Variants in MAPK4 observed in about 807,000 individuals in gnomAD.
MAPK4 encodes mitogen-activated protein kinase 4.
Under a neutral mutation model 47.7 loss-of-function variants are expected in MAPK4, and 22 were observed. The ratio of observed to expected loss-of-function variants is 0.46; its 90% CI spans 0.33 to 0.66. MAPK4 has a LOEUF of 0.66. MAPK4 is among the 30% of genes least tolerant of loss of function. The pLI is 0.02. For missense variants in MAPK4, 736 were observed against 831.7 expected (o/e 0.88, Z 1.42); for synonymous variants, 390 against 365.7 (o/e 1.07, Z -0.76).
intron 2 of MAPK4, among the ~76,000 whole-genome samples, chr18:50,670,412 G>C (rs964701760): frequency 6.6e-6 from 1 of 152,094 alleles, no homozygotes; most frequent in Non-Finnish European, 1.5e-5. Context: ...CTTCGTTCAA[G>C]ATCAGACTGC....
intron 1 of MAPK4, among the ~76,000 whole-genome samples, chr18:50,567,963 G>A (rs966669175): frequency 1.8e-4 from 28 of 152,028 alleles, no homozygotes; most frequent in Non-Finnish European, 2.6e-4. Context: ...TTGGGAGGCC[G>A]AGGCAGGCTG....
In MAPK4 at chr18:50,674,049, G is replaced by A. The variant is rs112717192; in HGVS notation, c.546+9545G>A. On this transcript the variant is annotated intron_variant, in intron 2 of 5. Transcript: ENST00000400384. Reference sequence around the variant, plus strand: ...AAATGGAATGAAGTGGGAGGGCCTCGGTGCATAAGTGTTGAATAATGAGCT... The same window carrying A: ...AAATGGAATGAAGTGGGAGGGCCTCAGTGCATAAGTGTTGAATAATGAGCT... Among the ~76,000 whole-genome samples, 352 of 152,088 alleles carry A rather than the reference G, an allele frequency of 2.3e-3. 1 individual carries two copies. The highest frequency in any genetic ancestry group is 7.3e-3 in the African/African-American group (302 of 41,472).
intron 2 of MAPK4, among the ~76,000 whole-genome samples, chr18:50,695,041 G>A (rs962921582): frequency 1.3e-5 from 2 of 152,048 alleles, no homozygotes; most frequent in Non-Finnish European, 2.9e-5. Context: ...TGATTGAACC[G>A]GAAAGACAAG....
intron 2 of MAPK4, among the ~76,000 whole-genome samples, chr18:50,680,334 C>T (rs528688549): frequency 1.1e-4 from 16 of 152,076 alleles, no homozygotes; most frequent in South Asian, 6.2e-4. Flanking sequence ...TCAGGTACTC[C>T]GCCCACCTCA....
intron 2 of MAPK4, among the ~76,000 whole-genome samples, chr18:50,692,222 T>TTAG (rs891824493): frequency 1.3e-5 from 2 of 152,220 alleles, no homozygotes; most frequent in African/African-American, 4.8e-5. Flanking sequence ...CTCACTGTTG[T>TTAG]TAGCCTGTAG....
At chr18:50,616,114 G>T (rs1301210959) in intron 1 of MAPK4, among the ~76,000 whole-genome samples, 2 of 152,164 alleles carry the variant, frequency 1.3e-5, no homozygotes, top group Non-Finnish European at 1.5e-5. Flanking sequence ...GTATTTATTT[G>T]CCAAAGAAAC....
intron 1 of MAPK4, among the ~76,000 whole-genome samples, chr18:50,574,249 A>G (rs2042275471): frequency 6.6e-6 from 1 of 152,168 alleles, no homozygotes; most frequent in African/African-American, 2.4e-5. Context: ...ACATTATGGC[A>G]CATATATTCA....
chr18:50,642,486 A>G lies in MAPK4; in HGVS notation c.-870-20603A>G, dbSNP rs371045136. Among the ~76,000 whole-genome samples the G allele has an allele frequency of 1.7e-4, 26 of 152,306 alleles. No individual in the cohort carries two copies. In the East Asian group the frequency reaches 4.2e-3, roughly 25 times the overall value. On this transcript the variant is annotated intron_variant, in intron 1 of 5. Transcript: ENST00000400384. The stretch of plus-strand genomic sequence containing the variant: ...TATTTTATGAAACAACCACCCCAAT[A>G]TAGTTAGTGAAGAAAAACTCTGAGA...
At chr18:50,718,268 G>A (rs1910741289) in intron 3 of MAPK4, among the ~76,000 whole-genome samples, 1 of 152,208 alleles carries the variant, frequency 6.6e-6, no homozygotes, top group Non-Finnish European at 1.5e-5. Context: ...CCCCCAGGCT[G>A]GAGTGCAACG....
chr18:50,650,495 A>G (rs2043036839), intron 1 of MAPK4, among the ~76,000 whole-genome samples: 1 of 152,012 alleles, frequency 6.6e-6, no homozygotes, highest in Non-Finnish European at 1.5e-5. Flanking sequence ...TGATTTATTC[A>G]CTGTCTTGGT....
intron 1 of MAPK4, among the ~76,000 whole-genome samples, chr18:50,592,697 G>A (rs1282939836): frequency 6.6e-6 from 1 of 152,188 alleles, no homozygotes; most frequent in Non-Finnish European, 1.5e-5. Flanking sequence ...CTGATGGAGG[G>A]GAGAAGGCTG....
chr18:50,689,033 C>T (rs990556978), intron 2 of MAPK4, among the ~76,000 whole-genome samples: 1 of 151,574 alleles, frequency 6.6e-6, no homozygotes, highest in Non-Finnish European at 1.5e-5. Context: ...CTGAGGCGGG[C>T]GGATCACATG....
intron 1 of MAPK4, among the ~76,000 whole-genome samples, chr18:50,600,295 C>G (rs1268254223): frequency 6.6e-6 from 1 of 152,144 alleles, no homozygotes; most frequent in African/African-American, 2.4e-5. Flanking sequence ...CCAATTTATT[C>G]AGGAACCTCT....
intron 2 of MAPK4, among the ~76,000 whole-genome samples, chr18:50,684,253 G>A (rs183758633): frequency 0.012 from 1,864 of 152,300 alleles, 28 homozygotes; most frequent in Admixed American, 0.036. Context: ...TTGCAATTAA[G>A]AAGAGCTTTG....
chr18:50,679,273 CT>C (rs1275557903), intron 2 of MAPK4, among the ~76,000 whole-genome samples: 1 of 152,158 alleles, frequency 6.6e-6, no homozygotes, highest in Non-Finnish European at 1.5e-5. Context: ...CCGTGCAGGT[CT>C]TTTGTCTTAG....
At chr18:50,706,693 G>A (rs1910076847) in intron 2 of MAPK4, among the ~76,000 whole-genome samples, 1 of 152,174 alleles carries the variant, frequency 6.6e-6, no homozygotes, top group South Asian at 2.1e-4. Context: ...CCATTGTCAT[G>A]CAGCACCCCA....
At chr18:50,605,425 G>A (rs78595693) in intron 1 of MAPK4, among the ~76,000 whole-genome samples, 77 of 152,284 alleles carry the variant, frequency 5.1e-4, no homozygotes, top group African/African-American at 1.8e-3. Context: ...GGAAACATGG[G>A]TTATATTACT....
intron 1 of MAPK4, among the ~76,000 whole-genome samples, chr18:50,607,655 G>T (rs1006960349): frequency 2.0e-5 from 3 of 152,226 alleles, no homozygotes; most frequent in African/African-American, 4.8e-5. Context: ...GTGATTGGCA[G>T]ATCCTTAGGA....
At chr18:50,601,027 G>C (rs982479053) in intron 1 of MAPK4, among the ~76,000 whole-genome samples, 15 of 151,512 alleles carry the variant, frequency 9.9e-5, no homozygotes, top group Non-Finnish European at 1.9e-4. Context: ...GAAGGCCGAG[G>C]TGGGCAGATC....
Sources: gnomAD v4.1 joint callset for allele counts (sites outside exome capture counted in the v4.1 genomes callset) on GRCh38, gnomAD v4.1.1 for gene constraint, MANE v1.5 for transcripts, NCBI Gene and HGNC (gene_info 2026-07-23, HGNC 2026-07-21) for gene names.